Variants in KCNG2 observed in about 807,000 individuals in gnomAD.
The protein encoded by KCNG2 is potassium voltage-gated channel modifier subfamily G member 2.
Under a neutral mutation model 12.3 loss-of-function variants are expected in KCNG2, and 7 were observed. The observed-to-expected ratio is 0.57, with a 90% CI of 0.32 to 1.07. The LOEUF is 1.07. KCNG2 is among the 50% of genes least tolerant of loss of function. The pLI, the probability that KCNG2 is intolerant of heterozygous loss-of-function variation, is 0.04. For missense variants in KCNG2, 703 were observed against 726.0 expected (o/e 0.97, Z 0.36); for synonymous variants, 414 against 351.4 (o/e 1.18, Z -1.99).
intron 1 of KCNG2, among the ~76,000 whole-genome samples, chr18:79,826,849 T>C (rs544751701): frequency 1.1e-4 from 16 of 152,330 alleles, no homozygotes; most frequent in Admixed American, 3.9e-4. Context: ...GCGCGTTACG[T>C]CATTACGTTC....
chr18:79,827,946 T>C (rs979616113), intron 1 of KCNG2, among the ~76,000 whole-genome samples: 2 of 142,414 alleles, frequency 1.4e-5, no homozygotes, highest in African/African-American at 5.1e-5. Flanking sequence ...TTTTTTGAGA[T>C]GTAGTCTCCC....
At chr18:79,807,545 C>T (rs569628071) in intron 1 of KCNG2, among the ~76,000 whole-genome samples, 2 of 152,208 alleles carry the variant, frequency 1.3e-5, no homozygotes, top group Non-Finnish European at 2.9e-5. Context: ...AGATGAGAAA[C>T]TGGTGTGACT....
intron 1 of KCNG2, among the ~76,000 whole-genome samples, chr18:79,834,637 A>G (rs148262279): frequency 2.5e-4 from 38 of 152,382 alleles, no homozygotes; most frequent in African/African-American, 8.7e-4. Context: ...AAACCAGTGT[A>G]TCAAGTGAAT....
At chr18:79,875,744 G>A (rs1305805122) in intron 3 of KCNG2, 1 of 152,448 alleles carries the variant, frequency 6.6e-6, no homozygotes, top group Non-Finnish European at 1.5e-5. Context: ...GCCTGCTGGG[G>A]GGCCTGGGTC....
chr18:79,885,842 G>A (rs1210249131), intron 3 of KCNG2, among the ~76,000 whole-genome samples: 3 of 134,052 alleles, frequency 2.2e-5, no homozygotes, highest in East Asian at 2.3e-4. Flanking sequence ...TGGGGACACG[G>A]GACAGGGAGA....
intron 3 of KCNG2, among the ~76,000 whole-genome samples, chr18:79,872,381 G>A (rs1979883637): frequency 7.5e-6 from 1 of 133,494 alleles, no homozygotes; most frequent in Admixed American, 9.6e-5. Context: ...CACCTCCCGG[G>A]TTCAAGTGAT....
chr18:79,843,961 C>T (rs1162533756), intron 1 of KCNG2, among the ~76,000 whole-genome samples: 1 of 152,078 alleles, frequency 6.6e-6, no homozygotes, highest in Non-Finnish European at 1.5e-5. Context: ...AAATAAAATC[C>T]AACCCTGTGC....
At chr18:79,829,604 G>A (rs4799091) in intron 1 of KCNG2, among the ~76,000 whole-genome samples, 2,774 of 152,130 alleles carry the variant, frequency 0.018, 58 homozygotes, top group Admixed American at 0.052. Flanking sequence ...GCCTCACACC[G>A]GTCCTTCTCT....
chr18:79,802,511 G>A (rs2087418581), intron 1 of KCNG2, among the ~76,000 whole-genome samples: 1 of 152,252 alleles, frequency 6.6e-6, no homozygotes, highest in African/African-American at 2.4e-5. Context: ...GGCCCTAGTG[G>A]GGAAGGTCTG....
At chr18:79,825,592 T>C (rs1338928080) in intron 1 of KCNG2, among the ~76,000 whole-genome samples, 1 of 152,236 alleles carries the variant, frequency 6.6e-6, no homozygotes, top group East Asian at 1.9e-4. Context: ...ACCAAGTCCC[T>C]GTCGGTGAAC....
chr18:79,818,972 C>T (rs949738405), intron 1 of KCNG2, among the ~76,000 whole-genome samples: 10 of 152,136 alleles, frequency 6.6e-5, no homozygotes, highest in South Asian at 2.1e-4. Context: ...CATCAGGACT[C>T]GACACAGTGC....
In KCNG2 at chr18:79,884,469, G is replaced by A. The variant is rs576755492; in HGVS notation, c.625-14571G>A. 2.0e-3 allele frequency among the ~76,000 whole-genome samples: 299 copies of A among 152,310 alleles called. 1 individual carries two copies. The highest frequency in any genetic ancestry group is 6.9e-3 in the African/African-American group (288 of 41,578). On this transcript the variant is annotated intron_variant, in intron 3 of 3. Coordinates refer to ENST00000316249, the MANE Select transcript of KCNG2 (RefSeq NM_012283.2). This position sits in a 1 kb window ranked among gnomAD's most constrained non-coding sequence, Gnocchi z 5.5. ...GTTCCCTTCCTTGGTTCCCCCAGTG[G>A]GATGGAGCCCCGGCCACTGGGTCCC...
At chr18:79,804,709 G>A (rs538206737) in intron 1 of KCNG2, among the ~76,000 whole-genome samples, 30 of 152,304 alleles carry the variant, frequency 2.0e-4, no homozygotes, top group Non-Finnish European at 1.8e-4. Context: ...GTGAGCCCAC[G>A]GGAACAAGTG....
At position 79,828,459 on chromosome 18, in the gene KCNG2, ATG is replaced by A. The variant is rs1978287870; in HGVS notation, c.-114-27914_-114-27913del. Among the ~76,000 whole-genome samples the A allele has an allele frequency of 8.6e-5, 13 of 150,394 alleles. No homozygotes were observed. The South Asian group carries it at 1.5e-3, about 17-fold the overall frequency. ...GTGCAAGTGTGTGGTGTGTGTGCAA[ATG>A]TGTGTCTGTGTGTGCATGAATGTGT... On this transcript the variant is annotated intron_variant, in intron 1 of 3. Transcript: ENST00000316249.
intron 3 of KCNG2, among the ~76,000 whole-genome samples, chr18:79,878,509 C>T (rs1235099687): frequency 1.3e-5 from 2 of 152,112 alleles, no homozygotes; most frequent in Non-Finnish European, 2.9e-5. Flanking sequence ...TGGCAGTGTG[C>T]GGAGGGCGCC....
chr18:79,823,744 T>G (rs1173424666), intron 1 of KCNG2, among the ~76,000 whole-genome samples: 2 of 152,192 alleles, frequency 1.3e-5, no homozygotes, highest in East Asian at 1.9e-4. Flanking sequence ...TTATGCACAT[T>G]TGAACCTTAG....
At chr18:79,877,018 G>A (rs182709854) in intron 3 of KCNG2, among the ~76,000 whole-genome samples, 3 of 152,360 alleles carry the variant, frequency 2.0e-5, no homozygotes, top group Non-Finnish European at 4.4e-5. Context: ...GTCTGCTTCG[G>A]TGCAGATAAT....
intron 1 of KCNG2, among the ~76,000 whole-genome samples, chr18:79,820,719 G>A (rs1378295854): frequency 6.6e-6 from 1 of 152,200 alleles, no homozygotes; most frequent in Non-Finnish European, 1.5e-5. Flanking sequence ...GGAGTGCAGA[G>A]GTGCAATCAG....
chr18:79,836,997 A>G (rs747410761), intron 1 of KCNG2, among the ~76,000 whole-genome samples: 4 of 152,184 alleles, frequency 2.6e-5, no homozygotes, highest in Non-Finnish European at 4.4e-5. Context: ...CATTAACCCA[A>G]AAGTCCAAGT....
Sources: gnomAD v4.1 joint callset for allele counts (sites outside exome capture counted in the v4.1 genomes callset) on GRCh38, gnomAD v4.1.1 for gene constraint, Gnocchi (gnomAD v3.1) non-coding constraint, MANE v1.5 for transcripts, NCBI Gene and HGNC (gene_info 2026-07-23, HGNC 2026-07-21) for gene names.